The following NSF variants were observed in gnomAD, a reference collection of about 807,000 sequenced individuals.
The protein encoded by NSF is N-ethylmaleimide sensitive factor, vesicle fusing ATPase, also known as vesicle-fusing ATPase.
A neutral mutation model predicts 50.3 loss-of-function variants in NSF; 14 were observed. The ratio of observed to expected loss-of-function variants is 0.28; its 90% CI spans 0.18 to 0.44. NSF has a LOEUF of 0.44. Ranked by LOEUF, NSF falls within the 20% of genes least tolerant of loss-of-function variation. The pLI is 1.00. For synonymous variants in NSF, 109 were observed against 175.7 expected (o/e 0.62, Z 3.00); for missense variants, 218 against 504.3 (o/e 0.43, Z 5.44).
chr17:46,753,541 G>C (rs2059204267), intron 19 of NSF, among the ~76,000 whole-genome samples: 1 of 151,746 alleles, frequency 6.6e-6, no homozygotes, highest in Non-Finnish European at 1.5e-5. Flanking sequence ...AGGTGTATTG[G>C]CTCTTTCCTT....
chr17:46,709,211 A>T (rs1186401916), intron 13 of NSF, among the ~76,000 whole-genome samples: 2 of 152,120 alleles, frequency 1.3e-5, no homozygotes, highest in Non-Finnish European at 2.9e-5. Flanking sequence ...TTTTATTACT[A>T]TTGTGACTTT....
chr17:46,723,309 A>T (rs1753265121), intron 15 of NSF, among the ~76,000 whole-genome samples: 1 of 152,192 alleles, frequency 6.6e-6, no homozygotes, highest in Non-Finnish European at 1.5e-5. Context: ...TTTTAGTAGA[A>T]TTCTGAAAAA....
At chr17:46,638,792 G>A (rs1257650537) in intron 5 of NSF, among the ~76,000 whole-genome samples, 1 of 98,440 alleles carries the variant, frequency 1.0e-5, no homozygotes, top group Non-Finnish European at 1.8e-5. Context: ...ACAGGTGTGA[G>A]CCATCACGCC....
At chr17:46,601,879 A>T (rs1482997454) in intron 1 of NSF, among the ~76,000 whole-genome samples, 2 of 106,196 alleles carry the variant, frequency 1.9e-5, no homozygotes, top group African/African-American at 5.8e-5. Flanking sequence ...CCACTCCTTT[A>T]AAAAAAAAAA....
chr17:46,637,221 CTGTACCTG>C (rs2058198956), intron 4 of NSF, among the ~76,000 whole-genome samples, 147 bp from the exon 5 acceptor site: 1 of 102,168 alleles, frequency 9.8e-6, no homozygotes, highest in African/African-American at 4.0e-5. Flanking sequence ...TTTTTTAAAC[CTGTACCTG>C]TGTGTCCCTC....
At chr17:46,712,869 A>G (rs2058733295) in intron 14 of NSF, among the ~76,000 whole-genome samples, 2 of 152,208 alleles carry the variant, frequency 1.3e-5, no homozygotes, top group South Asian at 4.1e-4. Context: ...AAAGAAACAT[A>G]TTTTAAGAAA....
At chr17:46,613,217 A>G (rs2058028935) in intron 1 of NSF, among the ~76,000 whole-genome samples, 1 of 23,282 alleles carries the variant, frequency 4.3e-5, no homozygotes, top group Non-Finnish European at 1.3e-4. Flanking sequence ...ATTTGAGGTT[A>G]CAGTGAGCTG....
rs144235188 is a variant in NSF, at chr17:46,707,925, C to T, written c.1471-3038C>T. ...GCACACACCTGTAATCCCAGCTACTCGGGAGGCTGAGACATGAGAATCATT... is the reference window on the plus strand; with the variant it reads ...GCACACACCTGTAATCCCAGCTACTTGGGAGGCTGAGACATGAGAATCATT... On this transcript the variant is annotated intron_variant, in intron 13 of 20. Transcript: ENST00000398238. 1.2e-3 allele frequency among the ~76,000 whole-genome samples: 182 copies of T among 151,186 alleles called. 2 individuals carry two copies. The highest frequency in any genetic ancestry group is 3.2e-4 in the Non-Finnish European group (22 of 67,864).
At chr17:46,728,817 G>A in intron 16 of NSF, 38 bp from the exon 17 acceptor site, 2 of 1,376,142 alleles carry the variant, frequency 1.5e-6, no homozygotes, top group Non-Finnish European at 2.0e-6. Context: ...ATGTACATGT[G>A]TATCAAATCC....
chr17:46,742,910 A>T (rs1362660294), intron 17 of NSF, among the ~76,000 whole-genome samples: 5 of 152,206 alleles, frequency 3.3e-5, no homozygotes, highest in Admixed American at 6.5e-5. Context: ...ATGAAAAATT[A>T]TTCCTATTTC....
At chr17:46,729,098 A>G (rs1397006497) in intron 17 of NSF, among the ~76,000 whole-genome samples, 164 bp downstream of exon 17, 2 of 152,132 alleles carry the variant, frequency 1.3e-5, no homozygotes, top group East Asian at 1.9e-4. Flanking sequence ...AAGGTAAATT[A>G]TTTTATCAAC....
chr17:46,722,809 AG>A (rs1464713770), intron 15 of NSF, among the ~76,000 whole-genome samples: 1 of 152,176 alleles, frequency 6.6e-6, no homozygotes, highest in African/African-American at 2.4e-5. Flanking sequence ...AGCTACCCGG[AG>A]GAGTTTCAGT....
intron 17 of NSF, among the ~76,000 whole-genome samples, chr17:46,734,907 C>T (rs2058985456): frequency 2.0e-5 from 3 of 151,932 alleles, no homozygotes; most frequent in Admixed American, 6.6e-5. Flanking sequence ...AAAAGTTAGT[C>T]GAATGTGGTG....
chr17:46,625,901 A>C (rs1269908363), intron 2 of NSF, among the ~76,000 whole-genome samples: 5 of 136,036 alleles, frequency 3.7e-5, no homozygotes, highest in Non-Finnish European at 6.2e-5. Context: ...AAAAAAAAAA[A>C]AAAGATACTG....
At chr17:46,728,423 A>T (rs2058913025) in intron 16 of NSF, among the ~76,000 whole-genome samples, 1 of 152,200 alleles carries the variant, frequency 6.6e-6, no homozygotes, top group South Asian at 2.1e-4. Flanking sequence ...CCCAGAAAAA[A>T]CATCTACATG....
Position 46,755,379 on chromosome 17 carries a change from T to C in NSF, c.2213+10T>C. 2 of 1,609,506 alleles carry C rather than the reference T, an allele frequency of 1.2e-6. No homozygotes were observed. The highest frequency in any genetic ancestry group is 1.7e-4 in the Middle Eastern group (1 of 6,056). ...TAAGAGAAGAAGGAGCGTAAGTACATACAACATTTAATGACCATCAACCAA... is the reference window on the plus strand; with the variant it reads ...TAAGAGAAGAAGGAGCGTAAGTACACACAACATTTAATGACCATCAACCAA... On this transcript the variant is annotated intron_variant, in intron 20 of 20. Transcript: ENST00000398238.
intron 9 of NSF, among the ~76,000 whole-genome samples, chr17:46,681,724 TC>T (rs571614672): frequency 1.4e-3 from 66 of 46,184 alleles, no homozygotes; most frequent in African/African-American, 6.1e-3. Flanking sequence ...CAAGGTCGTT[TC>T]CTTTCCTGCT....
At chr17:46,740,523 G>A (rs1358347254) in intron 17 of NSF, among the ~76,000 whole-genome samples, 2 of 152,128 alleles carry the variant, frequency 1.3e-5, no homozygotes, top group Non-Finnish European at 2.9e-5. Flanking sequence ...ATCTACTGTG[G>A]ATATAAGAGT....
At chr17:46,722,084 A>G (rs2058836547) in intron 15 of NSF, 1 of 1,610,944 alleles carries the variant, frequency 6.2e-7, no homozygotes, top group African/African-American at 1.3e-5. Flanking sequence ...CTCCAGCTCC[A>G]GAAGAGCCTG....
Sources: allele counts gnomAD v4.1 joint callset (sites outside exome capture counted in the v4.1 genomes callset), GRCh38; gene constraint gnomAD v4.1.1; transcripts MANE v1.5; gene names NCBI Gene and HGNC (gene_info 2026-07-23, HGNC 2026-07-21).